DOCK9: variants seen among roughly 807,000 people sequenced by gnomAD.
The protein encoded by DOCK9 is dedicator of cytokinesis 9, also known as dedicator of cytokinesis protein 9.
In DOCK9, 89 loss-of-function variants were observed where a neutral mutation model predicts 263.3. That is an observed-to-expected ratio of 0.34 (90% CI 0.28 to 0.40). The LOEUF is 0.40. Among genes scored for constraint, DOCK9 ranks in the 10% least tolerant of loss-of-function variants. The pLI, the probability that DOCK9 is intolerant of heterozygous loss-of-function variation, is 1.00. For missense variants in DOCK9, 2,140 were observed against 2,603.4 expected (o/e 0.82, Z 3.87); for synonymous variants, 976 against 973.1 (o/e 1.00, Z -0.06).
rs369424870 is a variant in DOCK9, at chr13:98,848,254, G to A, written c.4061+338C>T. On this transcript the variant is annotated intron_variant, in intron 37 of 52. Transcript: ENST00000682017. ...AAACAGAGGAAGAGAAACCACTGAG[G>A]AAGGAACATAGGAAGAAGAACTGGG... Among the ~76,000 whole-genome samples the A allele has an allele frequency of 1.4e-3, 216 of 152,276 alleles. 7 individuals carry two copies. In the South Asian group the frequency reaches 0.042, roughly 30 times the overall value.
Position 98,888,619 on chromosome 13 carries a change from A to C in DOCK9, c.1789+13T>G, listed in dbSNP as rs1475502401. On this transcript the variant is annotated intron_variant, in intron 16 of 52. Coordinates refer to ENST00000682017, the MANE Select transcript of DOCK9 (RefSeq NM_001366683.2). ...AATAAAAATTCTGTCTATTATGTAGAACTGACACTTACTAGGGAAGTCTGA... is the reference window on the plus strand; with the variant it reads ...AATAAAAATTCTGTCTATTATGTAGCACTGACACTTACTAGGGAAGTCTGA... The C allele has an allele frequency of 2.5e-6, 4 of 1,613,388 alleles. No homozygotes were observed.
At chr13:98,823,083 A>C (rs1176646155) in intron 45 of DOCK9, among the ~76,000 whole-genome samples, 1 of 152,108 alleles carries the variant, frequency 6.6e-6, no homozygotes, top group African/African-American at 2.4e-5. Context: ...TAAGCCTATT[A>C]CATATTTTAA....
chr13:98,920,305 C>T (rs2051724153), intron 7 of DOCK9, among the ~76,000 whole-genome samples: 2 of 152,122 alleles, frequency 1.3e-5, no homozygotes, highest in Admixed American at 1.3e-4. Context: ...AGTACAACAG[C>T]CCTATGATAA....
Position 99,071,231 on chromosome 13 carries a change from C to A in DOCK9, c.129+14992G>T, listed in dbSNP as rs375005908. On this transcript the variant is annotated intron_variant, in intron 1 of 32. Coordinates refer to the DOCK9 transcript ENST00000427887. ...GAACACAGCTCACTGCAGCCTCAAC[C>A]TCCCAGGCTCAAGCCATCCTCCCAC... Among the ~76,000 whole-genome samples the A allele has an allele frequency of 1.0e-3, 144 of 144,002 alleles. 2 individuals are homozygous for A. The highest frequency in any genetic ancestry group is 3.6e-3 in the African/African-American group (142 of 39,428). 94.5% of individuals were successfully genotyped at this position (144,002 alleles called of 152,430 possible). A position where few individuals can be genotyped will look rare whatever the true frequency, so the allele number is the denominator to read the frequency against.
intron 47 of DOCK9, 97 bp from the exon 48 acceptor site, chr13:98,807,904 TG>T: frequency 9.4e-7 from 1 of 1,066,278 alleles, no homozygotes; most frequent in South Asian, 2.5e-5. Flanking sequence ...AAAAAAGGAA[TG>T]GGTCTAAAAA....
chr13:99,085,688 G>C (rs1160571273), intron 1 of DOCK9, among the ~76,000 whole-genome samples: 1 of 152,084 alleles, frequency 6.6e-6, no homozygotes, highest in African/African-American at 2.4e-5. Flanking sequence ...GAGGTGGGGG[G>C]CGCAGGAGAG....
intron 1 of DOCK9, among the ~76,000 whole-genome samples, chr13:99,038,353 G>A (rs1888142747): frequency 8.1e-6 from 1 of 123,926 alleles, no homozygotes. Context: ...TGCCCAGGCT[G>A]GAGTGCAATG....
intron 25 of DOCK9, 78 bp downstream of exon 25, chr13:98,881,480 C>G: frequency 3.4e-6 from 4 of 1,175,384 alleles, no homozygotes; most frequent in Non-Finnish European, 4.9e-6. Context: ...AATAACCAGG[C>G]TTGTGAAAAA....
intron 1 of DOCK9, among the ~76,000 whole-genome samples, chr13:99,085,499 C>G (rs1025110730): frequency 6.6e-6 from 1 of 152,168 alleles, no homozygotes; most frequent in Non-Finnish European, 1.5e-5. Context: ...TTCCTCACAC[C>G]CAGAGGCCTA....
intron 1 of DOCK9, among the ~76,000 whole-genome samples, chr13:98,973,147 T>C (rs184096831): frequency 1.6e-4 from 24 of 152,238 alleles, no homozygotes; most frequent in Non-Finnish European, 3.1e-4. Context: ...TGATGTAATA[T>C]CATTATCTTT....
chr13:98,998,095 A>T (rs1314099624), intron 1 of DOCK9, among the ~76,000 whole-genome samples: 1 of 152,132 alleles, frequency 6.6e-6, no homozygotes, highest in Non-Finnish European at 1.5e-5. Context: ...TTTCCTCTGT[A>T]CTTGGTGGAC....
intron 1 of DOCK9, among the ~76,000 whole-genome samples, chr13:98,977,084 T>C (rs1251248083): frequency 1.3e-5 from 2 of 152,242 alleles, no homozygotes; most frequent in African/African-American, 2.4e-5. Context: ...GCCTTTATTG[T>C]ACTGAAGAAA....
rs138681919 is a variant in DOCK9, at chr13:98,900,000, A to G, written c.1504-1739T>C. ...CTAGACCATCTTGGAAAACATGAAG[A>G]AACAACTTTGACAGACAGAAAAAAA... is the stretch of plus-strand genomic sequence containing the variant. On this transcript the variant is annotated intron_variant, in intron 13 of 52. Transcript: ENST00000682017. Among the ~76,000 whole-genome samples the G allele has an allele frequency of 5.5e-4, 84 of 152,368 alleles. 1 individual carries two copies. The highest frequency in any genetic ancestry group is 1.9e-3 in the African/African-American group (77 of 41,574).
At chr13:99,008,721 T>G (rs1229641953) in intron 1 of DOCK9, among the ~76,000 whole-genome samples, 1 of 152,202 alleles carries the variant, frequency 6.6e-6, no homozygotes. Context: ...GCCAGTATGG[T>G]CAGGGCCTGG....
Position 98,885,051 on chromosome 13 carries a change from C to T in DOCK9, c.2302G>A (p.Val768Met). 6.2e-7 allele frequency: 1 copy of T among 1,613,676 alleles called. No homozygotes were observed. The highest frequency in any genetic ancestry group is 8.5e-7 in the Non-Finnish European group (1 of 1,179,818). ...WLPLLKDGRV[V>M]TSEQHIPVSA... The stretch of plus-strand genomic sequence containing the variant: ...ACCGGGATGTGCTGCTCGCTTGTCA[C>T]CACCCTTCCGTCTTTCAGGAGGGGA... Residue 768 changes from valine (V) to methionine (M), a missense_variant, in exon 21 of 53, where the codon GTG (valine) becomes ATG (methionine). Val to Met is a conservative substitution (Grantham distance 21). This residue lies in a region of DOCK9 where 1,521 missense variants were observed against 1,741.7 expected (regional missense o/e 0.87). Coordinates refer to ENST00000682017, the MANE Select transcript of DOCK9 (RefSeq NM_001366683.2).
intron 27 of DOCK9, among the ~76,000 whole-genome samples, chr13:98,869,064 G>A (rs2142123932): frequency 6.6e-6 from 1 of 152,298 alleles, no homozygotes; most frequent in African/African-American, 2.4e-5. Flanking sequence ...ACCTCTCAGA[G>A]ATCTCTTTAG....
chr13:98,912,313 A>C (rs1431038171), intron 9 of DOCK9, among the ~76,000 whole-genome samples: 1 of 152,246 alleles, frequency 6.6e-6, no homozygotes, highest in Non-Finnish European at 1.5e-5. Context: ...AGAGGGTCTC[A>C]GGTACAAGCT....
At position 98,955,631 on chromosome 13, in the gene DOCK9, C is replaced by T. The variant is rs2057965536; in HGVS notation, c.127-80G>A. On this transcript the variant is annotated intron_variant, in intron 1 of 52. Coordinates refer to ENST00000682017, the MANE Select transcript of DOCK9 (RefSeq NM_001366683.2). ...GATAAAGAACTTAGTATGTTCTACT[C>T]TATGTTTTGTATTTTCTACAATTAG... 3 of 917,196 alleles carry T rather than the reference C, an allele frequency of 3.3e-6. No homozygotes were observed. In the African/African-American group the frequency reaches 5.0e-5, roughly 15 times the overall value. The allele number at this position is 917,196 out of a possible 1,614,324, so 56.8% of individuals were successfully genotyped here.
rs1352451011 is a variant in DOCK9 at position 98,829,295 on chromosome 13, C to T, written c.4965+12G>A. The T allele has an allele frequency of 1.2e-6, 2 of 1,605,062 alleles. No homozygotes were observed. The highest frequency in any genetic ancestry group is 2.2e-5 in the South Asian group (2 of 89,724). On this transcript the variant is annotated intron_variant, in intron 43 of 52. Coordinates refer to ENST00000682017, the MANE Select transcript of DOCK9 (RefSeq NM_001366683.2). The surrounding 1 kb of genome is among the most constrained non-coding windows in gnomAD (Gnocchi z 4.1). ...TTCAAAAACCCATTCAAGCGGCTGG[C>T]AGGGCTACTACCTCTGAGAGATCGC...
Sources: gnomAD v4.1 joint callset for allele counts (sites outside exome capture counted in the v4.1 genomes callset) on GRCh38, gnomAD v4.1.1 for gene constraint, gnomAD v4.1.1 regional missense constraint, Gnocchi (gnomAD v3.1) non-coding constraint, MANE v1.5 for transcripts, NCBI Gene and HGNC (gene_info 2026-07-23, HGNC 2026-07-21) for gene names.